Variants in KDM5A observed in about 807,000 individuals in gnomAD.
KDM5A encodes the protein lysine demethylase 5A, also known as lysine-specific demethylase 5A.
KDM5A carries 42 observed loss-of-function variants against 193.5 expected under a neutral mutation model. That is an observed-to-expected ratio of 0.22 (90% CI 0.17 to 0.28). The LOEUF (loss-of-function observed/expected upper bound fraction) is 0.28, where lower values mean the gene tolerates loss of function less well. Among genes scored for constraint, KDM5A ranks in the 10% least tolerant of loss-of-function variants. KDM5A has a pLI of 1.00. For synonymous variants in KDM5A, 796 were observed against 718.1 expected (o/e 1.11, Z -1.73); for missense variants, 1,692 against 2,055.1 (o/e 0.82, Z 3.42).
chr12:280,625 T>G lies in KDM5A; in HGVS notation c.*4831A>C, dbSNP rs1354496933. 4.3e-6 allele frequency: 1 copy of G among 233,040 alleles called. No individual in the cohort carries two copies. The highest frequency in any genetic ancestry group is 8.5e-6 in the Non-Finnish European group (1 of 117,982). The allele number at this position is 233,040 out of a possible 1,614,324, so 14.4% of individuals were successfully genotyped here. A position where few individuals can be genotyped will look rare whatever the true frequency, so the allele number is the denominator to read the frequency against. On this transcript the variant is annotated 3_prime_UTR_variant, in exon 28 of 28. Transcript: ENST00000399788. ...CTTGGCAATGGGGAAAAGGTGCCAT[T>G]TGCTTCTCTGAAGTAACTTGGGGTC...
chr12:343,496 AC>A (rs1019263786), intron 10 of KDM5A, among the ~76,000 whole-genome samples: 15 of 152,110 alleles, frequency 9.9e-5, no homozygotes, highest in African/African-American at 3.4e-4. Context: ...ACTGGGAGAC[AC>A]CCCTAGTAGG....
chr12:331,528 A>C (rs138464390), intron 13 of KDM5A, among the ~76,000 whole-genome samples: 2 of 152,220 alleles, frequency 1.3e-5, no homozygotes, highest in African/African-American at 4.8e-5. Flanking sequence ...GAAAGGAAGA[A>C]AAGAAGGAAA....
intron 10 of KDM5A, among the ~76,000 whole-genome samples, chr12:340,682 G>A (rs1384836984): frequency 1.8e-5 from 2 of 110,884 alleles, no homozygotes; most frequent in East Asian, 3.2e-4. Context: ...GCAACAGTGC[G>A]AGACTCCATC....
In KDM5A at chr12:318,432, A is replaced by G. The variant is rs777959499; in HGVS notation, c.2571T>C (p.His857=). 1.9e-6 allele frequency: 3 copies of G among 1,614,036 alleles called. No homozygotes were observed. Among genetic ancestry groups the G allele is most frequent in the Admixed American group, 1.7e-5 (1 of 60,022 alleles). The change falls in exon 19 of 28, where the codon CAT becomes CAC. Residue 857 remains histidine (H), a synonymous_variant. Transcript: ENST00000399788. ...CCATCATGGCCTCCTGAGCACGTTC[A>G]TGAAACTCTTCCACATCATCTAGCA... ...KNLLDDVEEF[H]ERAQEAMMDE...
intron 5 of KDM5A, among the ~76,000 whole-genome samples, chr12:362,584 G>C (rs746552683): frequency 6.6e-6 from 1 of 152,090 alleles, no homozygotes; most frequent in Non-Finnish European, 1.5e-5. Context: ...TACAGTATCC[G>C]GGGTCACCCT....
chr12:373,436 C>T (rs905647416), intron 3 of KDM5A, among the ~76,000 whole-genome samples: 7 of 151,898 alleles, frequency 4.6e-5, no homozygotes, highest in African/African-American at 1.7e-4. Context: ...TGGTGATATC[C>T]CCTTTATCAT....
intron 24 of KDM5A, among the ~76,000 whole-genome samples, chr12:302,865 C>T (rs1269672174): frequency 6.6e-6 from 1 of 152,166 alleles, no homozygotes; most frequent in Non-Finnish European, 1.5e-5. Context: ...AGAATATGAA[C>T]AGACACTTCT....
rs75219148 is a variant in KDM5A, at chr12:319,158, G to A, written c.2542-697C>T. On this transcript the variant is annotated intron_variant, in intron 18 of 27. Coordinates refer to ENST00000399788, the MANE Select transcript of KDM5A (RefSeq NM_001042603.3). ...TGAATTTCATTCAAATGGCTTTGGG[G>A]AACCACTGGAGAATTTTTACCATAG... Among the ~76,000 whole-genome samples, 670 of 152,304 alleles carry A rather than the reference G, an allele frequency of 4.4e-3. 6 individuals are homozygous for A. Among genetic ancestry groups the A allele is most frequent in the Non-Finnish European group, 6.5e-3 (442 of 68,022 alleles).
At chr12:320,846 C>G (rs918087849) in intron 18 of KDM5A, 149 bp downstream of exon 18, 35 of 639,510 alleles carry the variant, frequency 5.5e-5, no homozygotes, top group Non-Finnish European at 1.0e-4. Flanking sequence ...CAAAAAACTG[C>G]CTACTAAAGA....
At chr12:338,385 G>A (rs55967429) in intron 10 of KDM5A, among the ~76,000 whole-genome samples, 3,104 of 152,270 alleles carry the variant, frequency 0.02, 86 homozygotes, top group African/African-American at 0.07. Flanking sequence ...GAACACACAT[G>A]TAAAGCACTA....
intron 3 of KDM5A, among the ~76,000 whole-genome samples, chr12:376,424 T>C (rs1944504770): frequency 6.6e-6 from 1 of 152,200 alleles, no homozygotes; most frequent in Admixed American, 6.5e-5. Context: ...CTAAGACCAT[T>C]GGAAAAGCAC....
intron 10 of KDM5A, among the ~76,000 whole-genome samples, chr12:347,744 C>A (rs1346678328): frequency 2.0e-5 from 3 of 152,168 alleles, no homozygotes; most frequent in African/African-American, 7.2e-5. Flanking sequence ...CTTCCTTACA[C>A]CTTATACAAA....
rs1943518639 is a variant in KDM5A at position 307,213 on chromosome 12, T to C, written c.3931-124A>G. 3.4e-6 allele frequency: 4 copies of C among 1,165,728 alleles called. No homozygotes were observed. Among genetic ancestry groups the C allele is most frequent in the Admixed American group, 3.8e-5 (2 of 52,852 alleles). 72.2% of individuals were successfully genotyped at this position (1,165,728 alleles called of 1,614,324 possible). A position where few individuals can be genotyped will look rare whatever the true frequency, so the allele number is the denominator to read the frequency against. ...AGTGGCTAACAGAGTTCTTCAACAG[T>C]TAGTAGAAATCAAATTATTTGATTA... On this transcript the variant is annotated intron_variant, in intron 23 of 27. Coordinates refer to ENST00000399788, the MANE Select transcript of KDM5A (RefSeq NM_001042603.3). This position sits in a 1 kb window ranked among gnomAD's most constrained non-coding sequence, Gnocchi z 4.3.
intron 13 of KDM5A, among the ~76,000 whole-genome samples, chr12:330,134 C>T (rs1943847893): frequency 6.7e-6 from 1 of 149,840 alleles, no homozygotes; most frequent in African/African-American, 2.5e-5. Flanking sequence ...ATTAACAACA[C>T]ACAACTCTTT....
intron 5 of KDM5A, among the ~76,000 whole-genome samples, chr12:359,407 G>A (rs1004073055): frequency 3.3e-5 from 5 of 152,106 alleles, no homozygotes; most frequent in African/African-American, 1.2e-4. Context: ...GATTGGACAT[G>A]GCATATAGGG....
rs1283677413 is a variant in KDM5A at position 283,203 on chromosome 12, C to G, written c.*2253G>C. 4.3e-6 allele frequency: 1 copy of G among 230,870 alleles called. No homozygotes were observed. Among genetic ancestry groups the G allele is most frequent in the South Asian group, 1.8e-4 (1 of 5,494 alleles). 14.3% of individuals were successfully genotyped at this position (230,870 alleles called of 1,614,324 possible). A position where few individuals can be genotyped will look rare whatever the true frequency, so the allele number is the denominator to read the frequency against. ...CTTAAAATTACATTCAATTTTTAAC[C>G]CACAAATATCTGAAGACTGTTACAA... On this transcript the variant is annotated 3_prime_UTR_variant, in exon 28 of 28. Transcript: ENST00000399788.
At position 292,951 on chromosome 12, in the gene KDM5A, T is replaced by C. The variant is rs1943318861; in HGVS notation, c.4674A>G (p.Glu1558=). The stretch of plus-strand genomic sequence containing the variant: ...TCTCCTTCTTTTTCTTTCTCTCTTC[T>C]TCTTTTGCTAGTTTCTTGGCCAGTT... ...LNKLAKKLAK[E]EERKKKKEKA... is the part of the protein sequence containing the mutation. Residue 1558 remains glutamate (E), a synonymous_variant, in exon 27 of 28, where the codon GAA becomes GAG. Coordinates refer to ENST00000399788, the MANE Select transcript of KDM5A (RefSeq NM_001042603.3). 2 of 1,613,600 alleles carry C rather than the reference T, an allele frequency of 1.2e-6. No homozygotes were observed. Among genetic ancestry groups the C allele is most frequent in the Non-Finnish European group, 1.7e-6 (2 of 1,179,990 alleles).
At chr12:323,487 G>T in intron 15 of KDM5A, 113 bp downstream of exon 15, 1 of 1,129,056 alleles carries the variant, frequency 8.9e-7, no homozygotes, top group Non-Finnish European at 1.3e-6. Flanking sequence ...GAAGTAGACA[G>T]TGAAGTTTAG....
At chr12:325,332 A>G (rs1364227924) in intron 14 of KDM5A, among the ~76,000 whole-genome samples, 2 of 152,216 alleles carry the variant, frequency 1.3e-5, no homozygotes, top group African/African-American at 4.8e-5. Context: ...GAAATTTTAT[A>G]CCATTTCCCA....
Sources: gnomAD v4.1 joint callset for allele counts (sites outside exome capture counted in the v4.1 genomes callset) on GRCh38, gnomAD v4.1.1 for gene constraint, Gnocchi (gnomAD v3.1) non-coding constraint, MANE v1.5 for transcripts, NCBI Gene and HGNC (gene_info 2026-07-23, HGNC 2026-07-21) for gene names.